The following EML6 variants were observed in gnomAD, a reference collection of about 807,000 sequenced individuals.
EML6 encodes echinoderm microtubule-associated protein-like 6.
In EML6, 154 loss-of-function variants were observed where a neutral mutation model predicts 240.1. That is an observed-to-expected ratio of 0.64 (90% CI 0.56 to 0.73). The LOEUF is 0.73. EML6 is among the 30% of genes least tolerant of loss of function. The pLI is 0.00. For synonymous variants in EML6, 1,148 were observed against 899.0 expected (o/e 1.28, Z -4.95); for missense variants, 2,964 against 2,474.6 (o/e 1.20, Z -4.20).
At chr2:54,837,457 C>T (rs892797536) in intron 7 of EML6, among the ~76,000 whole-genome samples, 6 of 152,068 alleles carry the variant, frequency 3.9e-5, no homozygotes, top group Non-Finnish European at 4.4e-5. Context: ...TAAGCACTCA[C>T]GGGCACTCAC....
At chr2:54,923,218 G>T (rs1674353438) in intron 26 of EML6, among the ~76,000 whole-genome samples, 1 of 152,078 alleles carries the variant, frequency 6.6e-6, no homozygotes, top group Non-Finnish European at 1.5e-5. Flanking sequence ...TGGGATTACA[G>T]GTGTGAGCCA....
chr2:54,792,640 A>T (rs921630477), intron 2 of EML6, among the ~76,000 whole-genome samples: 1 of 152,224 alleles, frequency 6.6e-6, no homozygotes, highest in Non-Finnish European at 1.5e-5. Flanking sequence ...AGAACTGTAC[A>T]CTAAAGGGTG....
intron 37 of EML6, 104 bp downstream of exon 37, chr2:54,964,262 G>A: frequency 8.3e-7 from 1 of 1,211,152 alleles, no homozygotes; most frequent in Non-Finnish European, 1.1e-6. Flanking sequence ...AGTTGTGAGA[G>A]GGTCACTTTC....
At chr2:54,837,232 A>G (rs1397105344) in intron 7 of EML6, among the ~76,000 whole-genome samples, 1 of 152,226 alleles carries the variant, frequency 6.6e-6, no homozygotes, top group Non-Finnish European at 1.5e-5. Context: ...ATACATTCAC[A>G]GATACAGGAA....
chr2:54,911,589 C>G (rs1313206878), intron 25 of EML6, among the ~76,000 whole-genome samples: 1 of 152,048 alleles, frequency 6.6e-6, no homozygotes, highest in Non-Finnish European at 1.5e-5. Context: ...GCCACCACAC[C>G]CAGCTAATTT....
intron 8 of EML6, among the ~76,000 whole-genome samples, chr2:54,846,284 T>G (rs1669747412): frequency 6.6e-6 from 1 of 152,152 alleles, no homozygotes; most frequent in African/African-American, 2.4e-5. Flanking sequence ...CCAACAAATG[T>G]AACATATATT....
intron 2 of EML6, among the ~76,000 whole-genome samples, chr2:54,790,640 C>T (rs1669384999): frequency 6.6e-6 from 1 of 151,966 alleles, no homozygotes; most frequent in Admixed American, 6.6e-5. Flanking sequence ...TACTTATCAC[C>T]AGGCTTTCCC....
At chr2:54,823,388 G>A (rs964059349) in intron 5 of EML6, among the ~76,000 whole-genome samples, 6 of 152,064 alleles carry the variant, frequency 3.9e-5, no homozygotes, top group African/African-American at 1.5e-4. Flanking sequence ...CTGGGGAGCT[G>A]GGTGGGTCCT....
intron 2 of EML6, among the ~76,000 whole-genome samples, chr2:54,794,480 TA>T (rs1669643113): frequency 6.6e-6 from 1 of 152,060 alleles, no homozygotes; most frequent in African/African-American, 2.4e-5. Context: ...TCTGAGGGAG[TA>T]GGGACAGGAC....
intron 11 of EML6, among the ~76,000 whole-genome samples, chr2:54,855,339 C>T (rs1206401107): frequency 6.6e-6 from 1 of 152,030 alleles, no homozygotes; most frequent in Non-Finnish European, 1.5e-5. Context: ...AGCAGGGTTC[C>T]TACACTTGTG....
intron 11 of EML6, 126 bp from the exon 12 acceptor site, chr2:54,859,408 A>G: frequency 1.4e-6 from 1 of 728,018 alleles, no homozygotes; most frequent in South Asian, 1.8e-5. Flanking sequence ...ACAATATGTA[A>G]GACGGAACAT....
At chr2:54,938,273 C>G (rs908432760) in intron 28 of EML6, among the ~76,000 whole-genome samples, 3 of 152,214 alleles carry the variant, frequency 2.0e-5, no homozygotes, top group East Asian at 3.9e-4. Context: ...TTGAATCACT[C>G]CAGCCTGGGC....
intron 24 of EML6, among the ~76,000 whole-genome samples, chr2:54,905,601 A>G (rs1330549882): frequency 6.6e-6 from 1 of 152,184 alleles, no homozygotes; most frequent in Non-Finnish European, 1.5e-5. Context: ...GACGTTAAAA[A>G]CATTGACACT....
chr2:54,770,980 G>T (rs1668378884), intron 2 of EML6, among the ~76,000 whole-genome samples: 1 of 152,172 alleles, frequency 6.6e-6, no homozygotes, highest in South Asian at 2.1e-4. Context: ...ACAGAGAGGA[G>T]CAGGTTTAAT....
chr2:54,821,471 A>T (rs755478254), intron 5 of EML6, among the ~76,000 whole-genome samples: 3 of 152,146 alleles, frequency 2.0e-5, no homozygotes, highest in Non-Finnish European at 2.9e-5. Context: ...CTCCAAATTT[A>T]TATTTGGTAG....
At chr2:54,819,159 T>G (rs1283415052) in intron 4 of EML6, among the ~76,000 whole-genome samples, 1 of 152,108 alleles carries the variant, frequency 6.6e-6, no homozygotes, top group Non-Finnish European at 1.5e-5. Context: ...AATTGCTCCT[T>G]TATATGTGAT....
chr2:54,743,667 T>C (rs1416653181), intron 2 of EML6, among the ~76,000 whole-genome samples: 1 of 152,118 alleles, frequency 6.6e-6, no homozygotes, highest in African/African-American at 2.4e-5. Context: ...AGAGTTGTAG[T>C]CTCTAAACTT....
At chr2:54,926,265 C>T (rs990085278) in intron 26 of EML6, among the ~76,000 whole-genome samples, 2 of 152,186 alleles carry the variant, frequency 1.3e-5, no homozygotes, top group African/African-American at 4.8e-5. Flanking sequence ...CCATGCCCAG[C>T]TAATTTTTGT....
intron 2 of EML6, among the ~76,000 whole-genome samples, chr2:54,789,851 C>A (rs189503327): frequency 1.0e-3 from 153 of 152,314 alleles, no homozygotes; most frequent in African/African-American, 3.5e-3. Flanking sequence ...GGGCTTGCTT[C>A]TACCTAAATA....
Sources: gnomAD v4.1 joint callset for allele counts (sites outside exome capture counted in the v4.1 genomes callset) on GRCh38, gnomAD v4.1.1 for gene constraint, MANE v1.5 for transcripts, NCBI Gene and HGNC (gene_info 2026-07-23, HGNC 2026-07-21) for gene names.